RARB: variants seen among roughly 807,000 people sequenced by gnomAD.
The protein encoded by RARB is HBV-activated protein.
A neutral mutation model predicts 51.9 loss-of-function variants in RARB; 17 were observed. That is an observed-to-expected ratio of 0.33 (90% CI 0.22 to 0.49). The LOEUF is 0.49. Among genes scored for constraint, RARB ranks in the 20% least tolerant of loss-of-function variants. The pLI is 0.99. For missense variants in RARB, 369 were observed against 550.8 expected (o/e 0.67, Z 3.30); for synonymous variants, 215 against 195.4 (o/e 1.10, Z -0.84).
At chr3:25,211,112 T>C (rs1311656934) in intron 5 of RARB, among the ~76,000 whole-genome samples, 1 of 152,186 alleles carries the variant, frequency 6.6e-6, no homozygotes, top group Non-Finnish European at 1.5e-5. Flanking sequence ...TTAACAAATA[T>C]TAACTTTTAT....
intron 3 of RARB, among the ~76,000 whole-genome samples, chr3:25,120,341 G>T (rs117995494): frequency 6.6e-6 from 1 of 152,206 alleles, no homozygotes; most frequent in East Asian, 1.9e-4. Context: ...CAGATCCAGT[G>T]ACTTGTTACC....
chr3:25,272,855 C>T (rs184671120), intron 5 of RARB, among the ~76,000 whole-genome samples: 7 of 152,288 alleles, frequency 4.6e-5, no homozygotes, highest in Admixed American at 1.3e-4. Flanking sequence ...TGGATACATT[C>T]GTCCCACCTG....
intron 5 of RARB, among the ~76,000 whole-genome samples, chr3:25,191,654 C>G (rs1701106351): frequency 1.3e-5 from 2 of 152,104 alleles, no homozygotes; most frequent in African/African-American, 4.8e-5. Context: ...AACTAAGTAA[C>G]TTGCATTGGG....
At position 25,138,165 on chromosome 3, in the gene RARB, C is replaced by A. The variant is rs571946465; in HGVS notation, c.-280+5957C>A. 8.2e-4 allele frequency among the ~76,000 whole-genome samples: 125 copies of A among 152,216 alleles called. 1 individual carries two copies. The highest frequency in any genetic ancestry group is 7.7e-3 in the Admixed American group (118 of 15,270). On this transcript the variant is annotated intron_variant, in intron 4 of 11. Transcript: ENST00000383772. ...TGCATTTAAAGCAATTCCCCAACAT[C>A]TGGCGTGGCCCAATAGTCACAAAGT...
chr3:25,325,153 A>G (rs1381895948), intron 5 of RARB, among the ~76,000 whole-genome samples: 7 of 152,300 alleles, frequency 4.6e-5, no homozygotes, highest in African/African-American at 1.4e-4. Flanking sequence ...CAATTCCCAG[A>G]ACTGAGGATC....
intron 5 of RARB, among the ~76,000 whole-genome samples, chr3:25,372,135 C>G (rs1288912230): frequency 6.6e-6 from 1 of 152,178 alleles, no homozygotes; most frequent in Non-Finnish European, 1.5e-5. Flanking sequence ...ATTTTAAAAG[C>G]AAACAGAAAC....
chr3:24,864,345 T>C (rs1372189728), intron 2 of RARB, among the ~76,000 whole-genome samples: 2 of 152,238 alleles, frequency 1.3e-5, no homozygotes, highest in Non-Finnish European at 2.9e-5. Flanking sequence ...GTGTTGTTCC[T>C]TTGCGTTTTT....
chr3:24,991,037 A>G (rs1696898430), intron 2 of RARB, among the ~76,000 whole-genome samples: 1 of 152,216 alleles, frequency 6.6e-6, no homozygotes, highest in African/African-American at 2.4e-5. Flanking sequence ...CTACATAGGT[A>G]TGTTACTGTT....
chr3:25,438,695 G>A (rs1405861765), intron 1 of RARB, among the ~76,000 whole-genome samples: 3 of 152,162 alleles, frequency 2.0e-5, no homozygotes, highest in African/African-American at 7.2e-5. Context: ...TACTCACTTG[G>A]GGGTCCTCAG....
intron 2 of RARB, among the ~76,000 whole-genome samples, chr3:25,048,481 C>G (rs1210787950): frequency 6.6e-6 from 1 of 152,138 alleles, no homozygotes; most frequent in Non-Finnish European, 1.5e-5. Flanking sequence ...ATTATTCTGT[C>G]AAGGGCTTAT....
chr3:25,290,043 G>A (rs551875532), intron 5 of RARB, among the ~76,000 whole-genome samples: 84 of 152,148 alleles, frequency 5.5e-4, no homozygotes, highest in Non-Finnish European at 1.0e-3. Context: ...CTTGGGTTGG[G>A]GGATTTAAGA....
chr3:25,509,748 G>C (rs2125618629), intron 3 of RARB, among the ~76,000 whole-genome samples: 1 of 152,284 alleles, frequency 6.6e-6, no homozygotes, highest in East Asian at 1.9e-4. Context: ...TCCTCAGTCA[G>C]CTCAAGGTGA....
upstream of RARB, among the ~76,000 whole-genome samples, chr3:25,426,409 T>C (rs1456123655): frequency 6.6e-6 from 1 of 152,254 alleles, no homozygotes; most frequent in Non-Finnish European, 1.5e-5. Flanking sequence ...ATTGTTTTAA[T>C]GTACCTTCAT....
intron 5 of RARB, among the ~76,000 whole-genome samples, chr3:25,329,775 T>G (rs1466982207): frequency 6.6e-6 from 1 of 152,116 alleles, no homozygotes; most frequent in Admixed American, 6.5e-5. Context: ...GAAAAAAGAT[T>G]AGACAAATGG....
intron 3 of RARB, among the ~76,000 whole-genome samples, chr3:25,115,147 T>G (rs1305804840): frequency 1.3e-5 from 2 of 152,162 alleles, no homozygotes; most frequent in African/African-American, 2.4e-5. Flanking sequence ...CACCACTGAG[T>G]GCTAGCTCCA....
intron 5 of RARB, among the ~76,000 whole-genome samples, chr3:25,356,289 G>C (rs1347495277): frequency 6.6e-6 from 1 of 152,076 alleles, no homozygotes; most frequent in East Asian, 1.9e-4. Flanking sequence ...TGAAAGCAGA[G>C]TACAAAAGCT....
At chr3:25,434,936 C>G (rs1383070918) in intron 1 of RARB, among the ~76,000 whole-genome samples, 2 of 152,198 alleles carry the variant, frequency 1.3e-5, no homozygotes, top group Non-Finnish European at 2.9e-5. Context: ...CCTGAAACCA[C>G]TTAGCAGTTT....
chr3:25,198,200 C>T (rs1701295133), intron 5 of RARB, among the ~76,000 whole-genome samples: 1 of 152,044 alleles, frequency 6.6e-6, no homozygotes, highest in Non-Finnish European at 1.5e-5. Flanking sequence ...ATTAGTGGTC[C>T]TGGGAAAACT....
At chr3:25,453,108 C>T (rs565368820) in intron 1 of RARB, among the ~76,000 whole-genome samples, 106 of 152,196 alleles carry the variant, frequency 7.0e-4, no homozygotes, top group African/African-American at 2.5e-3. Flanking sequence ...AATGGGATTA[C>T]AGGAAGGTTA....
Sources: gnomAD v4.1 joint callset for allele counts (sites outside exome capture counted in the v4.1 genomes callset) on GRCh38, gnomAD v4.1.1 for gene constraint, MANE v1.5 for transcripts, NCBI Gene and HGNC (gene_info 2026-07-23, HGNC 2026-07-21) for gene names.